NBDY: variants seen among roughly 807,000 people sequenced by gnomAD.
NBDY encodes the protein negative regulator of P-body association, also known as P-body dissociating protein.
intron 2 of NBDY, among the ~76,000 whole-genome samples, chrX:56,784,159 C>T (rs770465058): frequency 1.8e-5 from 2 of 112,472 alleles, no homozygotes; most frequent in South Asian, 7.3e-4. Context: ...ATGTGCTCAG[C>T]TCCCCCTAGG....
At chrX:56,734,120 G>T (rs1285481054) in intron 2 of NBDY, among the ~76,000 whole-genome samples, 3 of 112,244 alleles carry the variant, frequency 2.7e-5, no homozygotes, top group Non-Finnish European at 5.6e-5. Flanking sequence ...AACAGGAAAA[G>T]GTGCCATTAG....
At chrX:56,760,615 C>T (rs747540570) in intron 2 of NBDY, among the ~76,000 whole-genome samples, 2 of 111,889 alleles carry the variant, frequency 1.8e-5, no homozygotes, top group East Asian at 2.8e-4. Flanking sequence ...ACCCGGGAGA[C>T]GGAGGTTGTG....
chrX:56,785,854 T>C (rs924349692), intron 2 of NBDY, among the ~76,000 whole-genome samples: 1 of 111,750 alleles, frequency 8.9e-6, no homozygotes, highest in Non-Finnish European at 1.9e-5. Context: ...ATTCCCTCCT[T>C]TCACTTTTTT....
chrX:56,785,432 C>A (rs1210539138), intron 2 of NBDY, among the ~76,000 whole-genome samples: 2 of 111,075 alleles, frequency 1.8e-5, no homozygotes, highest in African/African-American at 6.6e-5. Flanking sequence ...CAGACAAATA[C>A]ACGTATCCCC....
chrX:56,754,258 T>C (rs12007547), intron 2 of NBDY, among the ~76,000 whole-genome samples: 95 of 111,799 alleles, frequency 8.5e-4, no homozygotes, highest in African/African-American at 2.7e-3. Context: ...AATACCTTAC[T>C]TTCAATAATG....
intron 2 of NBDY, among the ~76,000 whole-genome samples, chrX:56,761,891 C>T (rs897185956): frequency 1.1e-4 from 12 of 112,191 alleles, no homozygotes; most frequent in African/African-American, 3.2e-4. Context: ...TCCGTTTTTC[C>T]TCTCTCCTCC....
At chrX:56,740,455 G>T (rs932743576) in intron 2 of NBDY, among the ~76,000 whole-genome samples, 3 of 111,595 alleles carry the variant, frequency 2.7e-5, no homozygotes, top group African/African-American at 9.7e-5. Context: ...TTTGCGTGTA[G>T]TGTTCTGTTC....
intron 2 of NBDY, among the ~76,000 whole-genome samples, chrX:56,748,115 T>G (rs758220400): frequency 9.9e-5 from 11 of 111,414 alleles, no homozygotes; most frequent in African/African-American, 3.6e-4. Context: ...ACCCAAATTA[T>G]TTAGGATAAT....
At chrX:56,764,892 AG>A (rs1482670375) in intron 2 of NBDY, among the ~76,000 whole-genome samples, 1 of 110,797 alleles carries the variant, frequency 9.0e-6, no homozygotes, top group Non-Finnish European at 1.9e-5. Flanking sequence ...CCCGGGCTTG[AG>A]GGGCTGATGC....
At chrX:56,797,737 C>T (rs2069800604) in intron 2 of NBDY, among the ~76,000 whole-genome samples, 1 of 111,227 alleles carries the variant, frequency 9.0e-6, no homozygotes, top group Non-Finnish European at 1.9e-5. Flanking sequence ...TCAGTGTGTA[C>T]AGTCAGGCTG....
intron 2 of NBDY, among the ~76,000 whole-genome samples, chrX:56,744,482 T>A (rs2069546741): frequency 8.9e-6 from 1 of 111,901 alleles, no homozygotes; most frequent in Non-Finnish European, 1.9e-5. Flanking sequence ...ATTGTTTTAC[T>A]CATTCACTTT....
intron 2 of NBDY, among the ~76,000 whole-genome samples, chrX:56,802,352 G>A (rs1280140316): frequency 8.9e-6 from 1 of 112,205 alleles, no homozygotes; most frequent in Admixed American, 9.4e-5. Flanking sequence ...GGGACCCTTG[G>A]CCCTCTGTGA....
intron 1 of NBDY, among the ~76,000 whole-genome samples, chrX:56,731,072 A>C (rs1348099633): frequency 9.0e-6 from 1 of 110,671 alleles, no homozygotes; most frequent in South Asian, 3.8e-4. Context: ...TGATGGGACA[A>C]CTTTGGCGAC....
At chrX:56,804,951 T>G (rs2069841929) in intron 2 of NBDY, among the ~76,000 whole-genome samples, 1 of 112,231 alleles carries the variant, frequency 8.9e-6, no homozygotes. Context: ...TTTCTTCGCT[T>G]GTTACAAGTC....
chrX:56,816,041 A>G (rs2069909305), intron 2 of NBDY, among the ~76,000 whole-genome samples: 1 of 111,557 alleles, frequency 9.0e-6, no homozygotes, highest in African/African-American at 3.2e-5. Flanking sequence ...CAAATTTTAT[A>G]CGAAGAAAAA....
intron 2 of NBDY, among the ~76,000 whole-genome samples, chrX:56,755,226 A>G (rs920523205): frequency 8.9e-6 from 1 of 112,440 alleles, no homozygotes; most frequent in Middle Eastern, 4.6e-3. Context: ...CGACATAGGC[A>G]TGGGCAAGGA....
At chrX:56,815,171 A>G (rs2069905257) in intron 2 of NBDY, among the ~76,000 whole-genome samples, 1 of 111,907 alleles carries the variant, frequency 8.9e-6, no homozygotes, top group African/African-American at 3.2e-5. Flanking sequence ...TAATGAAAAT[A>G]TTTTAATAAA....
At chrX:56,754,407 A>G (rs2069599837) in intron 2 of NBDY, among the ~76,000 whole-genome samples, 1 of 111,852 alleles carries the variant, frequency 8.9e-6, no homozygotes, top group South Asian at 3.7e-4. Flanking sequence ...ACTTCATCTA[A>G]CAACAGGAAT....
chrX:56,730,135 G>A (rs1258693397), intron 1 of NBDY, among the ~76,000 whole-genome samples: 3 of 109,684 alleles, frequency 2.7e-5, no homozygotes, highest in Non-Finnish European at 5.7e-5. Flanking sequence ...AAATCCAAGT[G>A]CCATAATGTT....
Sources: allele counts gnomAD v4.1 joint callset (sites outside exome capture counted in the v4.1 genomes callset), GRCh38; gene constraint gnomAD v4.1.1; transcripts MANE v1.5; gene names NCBI Gene and HGNC (gene_info 2026-07-23, HGNC 2026-07-21).